Variants in SBK2 observed in about 807,000 individuals in gnomAD.
SBK2 encodes serine/threonine-protein kinase SBK2.
SBK2 carries 18 observed loss-of-function variants against 15.9 expected under a neutral mutation model. The ratio of observed to expected loss-of-function variants is 1.13; its 90% confidence interval spans 0.78 to 1.68. The LOEUF is 1.68. SBK2 is among the 40% of genes most tolerant of loss of function. The probability of loss-of-function intolerance (pLI) is 0.00; values close to 1 mark genes in which losing one functional copy is unlikely to be tolerated. For synonymous variants in SBK2, 284 were observed against 246.8 expected (o/e 1.15, Z -1.41); for missense variants, 581 against 510.9 (o/e 1.14, Z -1.32).
rs751746780 is a variant in SBK2, at chr19:55,531,309, C to T, written c.290G>A (p.Arg97His). The T allele has an allele frequency of 1.4e-5, 22 of 1,611,358 alleles. No homozygotes were observed. The highest frequency in any genetic ancestry group is 1.6e-4 in the Middle Eastern group (1 of 6,076). ...GTACAGGAAGCCACGGAGGGACGTG[C>T]GGGGTTTCGGGAGCTGCTTCAGTGC... ...PLALKQLPKP[R>H]TSLRGFLYEF... Residue 97 changes from arginine (R) to histidine (H), a missense_variant, in exon 3 of 4, where the codon CGC becomes CAC. Transcript: ENST00000413299.
Position 55,530,080 on chromosome 19 carries a change from G to A in SBK2, c.700C>T (p.Leu234Phe). 2.8e-6 allele frequency: 4 copies of A among 1,440,296 alleles called. No individual in the cohort carries two copies. The highest frequency in any genetic ancestry group is 3.6e-6 in the Non-Finnish European group (4 of 1,102,890). The allele number at this position is 1,440,296 out of a possible 1,614,324, so 89.2% of individuals were successfully genotyped here. A position where few individuals can be genotyped will look rare whatever the true frequency, so the allele number is the denominator to read the frequency against. The change falls in exon 4 of 4, where the codon CTC (leucine) becomes TTC (phenylalanine). Residue 234 changes from leucine to phenylalanine, a missense_variant. Coordinates refer to ENST00000413299, the MANE Select transcript of SBK2 (RefSeq NM_001370096.2). ...GGCTGAATGGGCAGGCCCTCGGGGA[G>A]CGGCGGGGGCGCGCAGAGCTCGGGG... The part of the protein sequence containing the change: ...TAPELCAPPP[L>F]PEGLPIQPAL...
intron 2 of SBK2, 106 bp downstream of exon 2, chr19:55,535,936 A>G: frequency 9.3e-7 from 1 of 1,080,168 alleles, no homozygotes; most frequent in Non-Finnish European, 1.3e-6. Context: ...TGGAGGGCAG[A>G]GGTAAGACTT....
At chr19:55,532,381 C>T (rs1440602270) in intron 2 of SBK2, among the ~76,000 whole-genome samples, 3 of 140,592 alleles carry the variant, frequency 2.1e-5, no homozygotes, top group African/African-American at 8.0e-5. Context: ...CGGCTCACTG[C>T]AACCTCTGCC....
At position 55,529,933 on chromosome 19, in the gene SBK2, A is replaced by G. The variant is rs900670518; in HGVS notation, c.847T>C (p.Ser283Pro). ...FYEDFLIWQA[S>P]GQPRDRPQPW... ...TGAGGGCGGTCCCGGGGCTGGCCCG[A>G]CGCCTGCCAGATGAGGAAGTCCTCG... Residue 283 changes from serine to proline, a missense_variant, in exon 4 of 4, where the codon TCG becomes CCG. Coordinates refer to ENST00000413299, the MANE Select transcript of SBK2 (RefSeq NM_001370096.2). 5.2e-6 allele frequency: 8 copies of G among 1,527,984 alleles called. No homozygotes were observed. In the Admixed American group the frequency reaches 8.6e-5, roughly 16 times the overall value. The allele number at this position is 1,527,984 out of a possible 1,614,324, so 94.7% of individuals were successfully genotyped here. A position where few individuals can be genotyped will look rare whatever the true frequency, so the allele number is the denominator to read the frequency against.
chr19:55,531,236 C>G lies in SBK2; in HGVS notation c.363G>C (p.Thr121=), dbSNP rs368234416. ...CCGACTCGATGCCAATGCCGTAGGC[C>G]GTCACGATGGCTGAGTGCGCGCCCA... The part of the protein sequence containing the change: ...LSLGAHSAIV[T]AYGIGIESAH... The change falls in exon 3 of 4, where the codon ACG becomes ACC. Residue 121 remains threonine (T), a synonymous_variant. Transcript: ENST00000413299. 6.2e-7 allele frequency: 1 copy of G among 1,613,620 alleles called. No individual in the cohort carries two copies. The highest frequency in any genetic ancestry group is 1.1e-5 in the South Asian group (1 of 91,084).
At chr19:55,534,739 A>G (rs1267853603) in intron 2 of SBK2, among the ~76,000 whole-genome samples, 5 of 135,010 alleles carry the variant, frequency 3.7e-5, no homozygotes, top group Non-Finnish European at 7.9e-5. Context: ...AAGAAAAGAA[A>G]AAAGGCCAGG....
rs1426344494 is a variant in SBK2, at chr19:55,530,105, G to T, written c.675C>A (p.Ala225=). The change falls in exon 4 of 4, where the codon GCC becomes GCA. Residue 225 remains alanine, a synonymous_variant. Coordinates refer to ENST00000413299, the MANE Select transcript of SBK2 (RefSeq NM_001370096.2). ...RLAGPPIPYT[A]PELCAPPPLP... is the part of the protein sequence containing the mutation. ...GCGGCGGGGGCGCGCAGAGCTCGGG[G>T]GCCGTGTAGGGGATGGGCGGCCCGG... 10 of 1,451,778 alleles carry T rather than the reference G, an allele frequency of 6.9e-6. No homozygotes were observed. The highest frequency in any genetic ancestry group is 3.7e-4 in the Middle Eastern group (2 of 5,350). The allele number at this position is 1,451,778 out of a possible 1,614,324, so 89.9% of individuals were successfully genotyped here. A position where few individuals can be genotyped will look rare whatever the true frequency, so the allele number is the denominator to read the frequency against.
chr19:55,535,091 C>T (rs1213864449), intron 2 of SBK2, among the ~76,000 whole-genome samples: 1 of 152,076 alleles, frequency 6.6e-6, no homozygotes, highest in South Asian at 2.1e-4. Context: ...GTTATGGCAG[C>T]CCCAGCAGAT....
chr19:55,531,252 T>C lies in SBK2; in HGVS notation c.347A>G (p.His116Arg), dbSNP rs752473982. 3.6e-5 allele frequency: 58 copies of C among 1,612,820 alleles called. No individual in the cohort carries two copies. In the Middle Eastern group the frequency reaches 1.5e-3, roughly 41 times the overall value. The part of the protein sequence containing the change: ...EFCVGLSLGA[H>R]SAIVTAYGIG... ...GCCGTAGGCCGTCACGATGGCTGAG[T>C]GCGCGCCCAGCGAGAGCCCCACACA... Residue 116 changes from histidine (H) to arginine (R), a missense_variant, in exon 3 of 4, where the codon CAC (histidine) becomes CGC (arginine). Physicochemically the swap from His to Arg is conservative, Grantham distance 29 (BLOSUM62 0). Transcript: ENST00000413299.
intron 2 of SBK2, among the ~76,000 whole-genome samples, chr19:55,535,024 CAAA>C (rs879492215): frequency 7.4e-6 from 1 of 134,494 alleles, no homozygotes; most frequent in African/African-American, 2.8e-5. Context: ...GACTCCATTT[CAAA>C]AAAAAAAAAG....
chr19:55,530,500 GAGGCC>G lies in SBK2; in HGVS notation c.457-182_457-178del, dbSNP rs1442523490. ...TTAGTGTGGCCTAGGGTGACCCCGT[GAGGCC>G]TAGTGTGACCTGTGAGGCCTGTGGG... On this transcript the variant is annotated intron_variant, in intron 3 of 3. Transcript: ENST00000413299. 2.6e-3 allele frequency among the ~76,000 whole-genome samples: 21 copies of G among 8,128 alleles called. 1 individual carries two copies. Among genetic ancestry groups the G allele is most frequent in the East Asian group, 0.012 (4 of 338 alleles). 5.3% of individuals were successfully genotyped at this position (8,128 alleles called of 152,430 possible). A position where few individuals can be genotyped will look rare whatever the true frequency, so the allele number is the denominator to read the frequency against.
rs115705351 is a variant in SBK2 at position 55,530,296 on chromosome 19, G to A, written c.484C>T (p.Arg162Cys). 2.8e-6 allele frequency: 4 copies of A among 1,431,270 alleles called. No homozygotes were observed. Among genetic ancestry groups the A allele is most frequent in the African/African-American group, 1.5e-5 (1 of 67,460 alleles). 88.7% of individuals were successfully genotyped at this position (1,431,270 alleles called of 1,614,324 possible). ...KVGLPQPAVH[R>C]CAAQLASALE... The stretch of plus-strand genomic sequence containing the variant: ...GCGGAGGCCAGCTGGGCGGCGCAGC[G>A]GTGCACCGCGGGCTGCGGGAGGCCC... The change falls in exon 4 of 4, where the codon CGC becomes TGC. Residue 162 changes from arginine to cysteine, a missense_variant. Coordinates refer to ENST00000413299, the MANE Select transcript of SBK2 (RefSeq NM_001370096.2).
In SBK2 at chr19:55,536,169, C is replaced by T. The variant is rs1246337933; in HGVS notation, c.126G>A (p.Leu42=). Reference sequence around the variant, plus strand: ...GAGCACTCAGCGTCATCATGTCCTCCAGCGCGCGGGCAGCCTCCTGGCCCT... The same window carrying T: ...GAGCACTCAGCGTCATCATGTCCTCTAGCGCGCGGGCAGCCTCCTGGCCCT... ...LQQGQEAARA[L]EDMMTLSAQT... is the part of the protein sequence containing the mutation. The change falls in exon 2 of 4, where the codon CTG becomes CTA. Residue 42 remains leucine (L), a synonymous_variant. Transcript: ENST00000413299. 1.9e-6 allele frequency: 3 copies of T among 1,606,736 alleles called. No homozygotes were observed. Among genetic ancestry groups the T allele is most frequent in the Non-Finnish European group, 2.5e-6 (3 of 1,176,816 alleles).
Position 55,528,995 on chromosome 19 carries a change from T to G in SBK2, c.*738A>C, listed in dbSNP as rs1390832974. Among the ~76,000 whole-genome samples, 1 of 152,216 alleles carries G rather than the reference T, an allele frequency of 6.6e-6. No individual in the cohort carries two copies. The stretch of plus-strand genomic sequence containing the variant: ...AGTAAGCATTTACAACGCGCAGCTG[T>G]AATCCCAGCACTGCGGGAGGCCGAG... On this transcript the variant is annotated 3_prime_UTR_variant, in exon 4 of 4. Coordinates refer to ENST00000413299, the MANE Select transcript of SBK2 (RefSeq NM_001370096.2).
At chr19:55,530,806 T>C (rs497034) in intron 3 of SBK2, among the ~76,000 whole-genome samples, 1 of 147,230 alleles carries the variant, frequency 6.8e-6, no homozygotes, top group East Asian at 2.1e-4. Flanking sequence ...GTGAGGCCTG[T>C]GGGTTTAGTG....
Position 55,529,862 on chromosome 19 carries a change from C to A in SBK2, c.918G>T (p.Gly306=), listed in dbSNP as rs756975961. The change falls in exon 4 of 4, where the codon GGG becomes GGT. Residue 306 remains glycine, a synonymous_variant. Coordinates refer to ENST00000413299, the MANE Select transcript of SBK2 (RefSeq NM_001370096.2). The stretch of plus-strand genomic sequence containing the variant: ...TCCTTCGGGGGTGAGGGTCCAGCAG[C>A]CCCCGCAGAAGCGCGTCGGCCGCGG... ...LAAAADALLR[G]LLDPHPRRRS... 1.2e-6 allele frequency: 2 copies of A among 1,600,188 alleles called. No homozygotes were observed. The highest frequency in any genetic ancestry group is 1.7e-6 in the Non-Finnish European group (2 of 1,176,900).
At chr19:55,535,598 G>A (rs1429363278) in intron 2 of SBK2, among the ~76,000 whole-genome samples, 3 of 152,218 alleles carry the variant, frequency 2.0e-5, no homozygotes, top group Non-Finnish European at 4.4e-5. Flanking sequence ...GCAGGGCACC[G>A]TGGCTCATGC....
In SBK2 at chr19:55,536,192, C is replaced by T; in HGVS notation, c.103G>A (p.Gly35Ser). Residue 35 changes from glycine (G) to serine (S), a missense_variant, in exon 2 of 4, where the codon GGC becomes AGC. By Grantham distance (56) the Gly-to-Ser change is moderately conservative (BLOSUM62 0). Transcript: ENST00000413299. ...TCCAGCGCGCGGGCAGCCTCCTGGC[C>T]CTGCTGGAGCTCCTCTAATGTCAGG... ...GGLTLEELQQGQEAARALEDM... is the reference protein window; with the variant it reads ...GGLTLEELQQSQEAARALEDM... 1 of 1,607,450 alleles carries T rather than the reference C, an allele frequency of 6.2e-7. No individual in the cohort carries two copies. Among genetic ancestry groups the T allele is most frequent in the Non-Finnish European group, 8.5e-7 (1 of 1,177,382 alleles).
chr19:55,529,396 A>C lies in SBK2; in HGVS notation c.*337T>G, dbSNP rs1988183973. On this transcript the variant is annotated 3_prime_UTR_variant, in exon 4 of 4. Coordinates refer to ENST00000413299, the MANE Select transcript of SBK2 (RefSeq NM_001370096.2). ...GGGAGACAGAGCGAGACCCTGTCTC[A>C]AAAAAAATAAAAATGCGAGGGGTGA... 6.6e-6 allele frequency among the ~76,000 whole-genome samples: 1 copy of C among 151,888 alleles called. No individual in the cohort carries two copies. The highest frequency in any genetic ancestry group is 2.1e-4 in the South Asian group (1 of 4,806).
Sources: allele counts gnomAD v4.1 joint callset (sites outside exome capture counted in the v4.1 genomes callset), GRCh38; gene constraint gnomAD v4.1.1; transcripts MANE v1.5; gene names NCBI Gene and HGNC (gene_info 2026-07-23, HGNC 2026-07-21).